TRAPPC9: variants seen among roughly 807,000 people sequenced by gnomAD.
TRAPPC9 encodes IKK2 binding protein.
TRAPPC9 carries 83 observed loss-of-function variants against 124.0 expected under a neutral mutation model. The observed-to-expected ratio is 0.67, with a 90% CI of 0.56 to 0.80. The LOEUF is 0.80. Ranked by LOEUF, TRAPPC9 falls within the 30% of genes least tolerant of loss-of-function variation. The probability of loss-of-function intolerance (pLI) is 0.00; values close to 1 mark genes in which losing one functional copy is unlikely to be tolerated. For synonymous variants in TRAPPC9, 638 were observed against 617.5 expected (o/e 1.03, Z -0.49); for missense variants, 1,302 against 1,508.3 (o/e 0.86, Z 2.27).
At chr8:140,380,654 CAAAAAAA>C (rs563391017) in intron 7 of TRAPPC9, among the ~76,000 whole-genome samples, 31 of 48,602 alleles carry the variant, frequency 6.4e-4, no homozygotes, top group African/African-American at 1.6e-3. Flanking sequence ...GACTCTGTCT[CAAAAAAA>C]AAAAAAAAAA....
Position 140,324,008 on chromosome 8 carries a change from C to T in TRAPPC9, c.1496-12634G>A, listed in dbSNP as rs574454505. The stretch of plus-strand genomic sequence containing the variant: ...GTGCACCCATTACCCTAGCGATATA[C>T]GCTGTACCCAATTTGTAGTATTTTA... On this transcript the variant is annotated intron_variant, in intron 9 of 22. Transcript: ENST00000438773. Among the ~76,000 whole-genome samples, 14 of 152,278 alleles carry T rather than the reference C, an allele frequency of 9.2e-5. No individual in the cohort carries two copies. In the East Asian group the frequency reaches 1.5e-3, roughly 17 times the overall value.
At chr8:140,383,260 C>A in intron 7 of TRAPPC9, among the ~76,000 whole-genome samples, 1 of 152,200 alleles carries the variant, frequency 6.6e-6, no homozygotes, top group East Asian at 1.9e-4. Context: ...GAGCACCTCT[C>A]CTCCTCCAAA....
chr8:140,017,149 C>T (rs558049539), intron 18 of TRAPPC9, among the ~76,000 whole-genome samples: 3 of 152,252 alleles, frequency 2.0e-5, no homozygotes, highest in South Asian at 2.1e-4. Flanking sequence ...AGATACAAGA[C>T]GTTTGTTACA....
intron 17 of TRAPPC9, among the ~76,000 whole-genome samples, chr8:140,165,803 T>C (rs28404093): frequency 0.79 from 120,540 of 152,048 alleles, 48,136 homozygotes; most frequent in East Asian, 1. Context: ...GGAGCCCAGG[T>C]TATCAGCCAC....
At chr8:139,751,014 GGGA>G (rs1231542372) in intron 21 of TRAPPC9, among the ~76,000 whole-genome samples, 5 of 152,218 alleles carry the variant, frequency 3.3e-5, no homozygotes, top group Non-Finnish European at 7.3e-5. Context: ...CAAGCACAAG[GGGA>G]GGAGACTTCC....
At chr8:139,829,167 G>A (rs1312769779) in intron 21 of TRAPPC9, among the ~76,000 whole-genome samples, 3 of 152,182 alleles carry the variant, frequency 2.0e-5, no homozygotes, top group Non-Finnish European at 4.4e-5. Flanking sequence ...CTAGACTAAT[G>A]TGTGAGAATG....
At chr8:140,314,169 G>A (rs1249008603) in intron 9 of TRAPPC9, among the ~76,000 whole-genome samples, 4 of 152,198 alleles carry the variant, frequency 2.6e-5, no homozygotes, top group Non-Finnish European at 5.9e-5. Flanking sequence ...ATAAACGGTT[G>A]AGTCTTTCCC....
At chr8:140,313,333 G>C (rs140487783) in intron 9 of TRAPPC9, among the ~76,000 whole-genome samples, 1 of 152,262 alleles carries the variant, frequency 6.6e-6, no homozygotes, top group African/African-American at 2.4e-5. Context: ...GAAATAAAGG[G>C]ATCTATTTGT....
At chr8:140,083,394 C>A (rs1350662600) in intron 17 of TRAPPC9, among the ~76,000 whole-genome samples, 3 of 152,156 alleles carry the variant, frequency 2.0e-5, no homozygotes, top group Admixed American at 6.5e-5. Context: ...TTTACAATTA[C>A]ACTGACGAAC....
chr8:140,167,743 T>C (rs1393968128), intron 17 of TRAPPC9, among the ~76,000 whole-genome samples: 3 of 152,190 alleles, frequency 2.0e-5, no homozygotes, highest in South Asian at 2.1e-4. Context: ...AATATGTATT[T>C]CTCTTTCTTT....
At chr8:139,977,503 A>C (rs1287249799) in intron 19 of TRAPPC9, among the ~76,000 whole-genome samples, 1 of 151,348 alleles carries the variant, frequency 6.6e-6, no homozygotes, top group Non-Finnish European at 1.5e-5. Context: ...CTGTAGTCCC[A>C]GCTACTCTGG....
intron 9 of TRAPPC9, among the ~76,000 whole-genome samples, chr8:140,338,485 G>T (rs535592202): frequency 7.9e-5 from 12 of 152,182 alleles, no homozygotes; most frequent in African/African-American, 2.9e-4. Flanking sequence ...AGGTTGAATC[G>T]TGTCCCCTCC....
chr8:140,437,084 C>T (rs1401406764), intron 3 of TRAPPC9, among the ~76,000 whole-genome samples: 1 of 152,166 alleles, frequency 6.6e-6, no homozygotes, highest in African/African-American at 2.4e-5. Flanking sequence ...CTGCCTCACC[C>T]TCACAAGTAG....
intron 21 of TRAPPC9, among the ~76,000 whole-genome samples, chr8:139,732,922 A>C (rs1009531719): frequency 5.3e-5 from 8 of 152,262 alleles, no homozygotes; most frequent in Admixed American, 2.6e-4. Flanking sequence ...ACATGCCCCA[A>C]GAGCTTGCAG....
chr8:140,123,387 C>T (rs1266337446), intron 17 of TRAPPC9, among the ~76,000 whole-genome samples: 3 of 152,226 alleles, frequency 2.0e-5, no homozygotes, highest in African/African-American at 7.2e-5. Context: ...CACCTGCTGC[C>T]TCTTGCTCAA....
intron 21 of TRAPPC9, among the ~76,000 whole-genome samples, chr8:139,827,304 T>C (rs1825704070): frequency 6.6e-6 from 1 of 152,188 alleles, no homozygotes; most frequent in Non-Finnish European, 1.5e-5. Context: ...GGCATGTGTC[T>C]GGCACATGCT....
At chr8:140,236,079 CTTTTTTT>C (rs765201850) in intron 16 of TRAPPC9, among the ~76,000 whole-genome samples, 1 of 111,716 alleles carries the variant, frequency 9.0e-6, no homozygotes, top group Non-Finnish European at 1.8e-5. Context: ...ACTGTATTTC[CTTTTTTT>C]TTTTTTTTTT....
At chr8:139,890,345 G>A (rs1486416158) in intron 20 of TRAPPC9, among the ~76,000 whole-genome samples, 1 of 152,222 alleles carries the variant, frequency 6.6e-6, no homozygotes, top group African/African-American at 2.4e-5. Flanking sequence ...CAGGCCCAGG[G>A]ACATTTGCAG....
At chr8:140,137,606 C>T (rs2061325578) in intron 17 of TRAPPC9, among the ~76,000 whole-genome samples, 1 of 152,248 alleles carries the variant, frequency 6.6e-6, no homozygotes, top group Non-Finnish European at 1.5e-5. Context: ...ACACCAGCCC[C>T]ACCCCGCACC....
Sources: gnomAD v4.1 joint callset for allele counts (sites outside exome capture counted in the v4.1 genomes callset) on GRCh38, gnomAD v4.1.1 for gene constraint, MANE v1.5 for transcripts, NCBI Gene and HGNC (gene_info 2026-07-23, HGNC 2026-07-21) for gene names.